Variants in CEP85 observed in about 807,000 individuals in gnomAD.
The protein encoded by CEP85 is centrosomal protein of 85 kDa.
CEP85 carries 58 observed loss-of-function variants against 93.7 expected under a neutral mutation model. The observed-to-expected ratio is 0.62, with a 90% CI of 0.50 to 0.77. The LOEUF is 0.77. CEP85 is among the 30% of genes least tolerant of loss of function. CEP85 has a pLI of 0.00. For missense variants in CEP85, 868 were observed against 922.0 expected, an observed-to-expected ratio of 0.94 and a Z score of 0.76; for synonymous variants, 314 against 338.6, an observed-to-expected ratio of 0.93 and a Z score of 0.80.
chr1:26,260,180 T>C (rs2089783923), intron 7 of CEP85, among the ~76,000 whole-genome samples: 1 of 152,188 alleles, frequency 6.6e-6, no homozygotes, highest in Admixed American at 6.5e-5. Context: ...TTCTCACCCT[T>C]CCTAAAAAGT....
intron 3 of CEP85, among the ~76,000 whole-genome samples, chr1:26,248,722 C>T (rs866383881): frequency 1.4e-4 from 8 of 56,206 alleles, no homozygotes; most frequent in East Asian, 4.9e-4. Context: ...GTCTTGAACT[C>T]TTTTTTTTTT....
Position 26,259,773 on chromosome 1 carries a change from T to G in CEP85, c.1312T>G (p.Ser438Ala). The G allele has an allele frequency of 1.2e-6, 2 of 1,612,602 alleles. No individual in the cohort carries two copies. The highest frequency in any genetic ancestry group is 1.7e-5 in the Admixed American group (1 of 59,540). ...ESLKVALQKH[S>A]EEVKKQEERV... Reference sequence around the variant, plus strand: ...GCTCAAAGTGGCGTTGCAGAAGCATTCTGAGGAAGTGAAGAAACAGGAAGA... The same window carrying G: ...GCTCAAAGTGGCGTTGCAGAAGCATGCTGAGGAAGTGAAGAAACAGGAAGA... The change falls in exon 7 of 14, where the codon TCT (serine) becomes GCT (alanine). Residue 438 changes from serine (S) to alanine (A), a missense_variant. Coordinates refer to ENST00000451429, the MANE Select transcript of CEP85 (RefSeq NM_001319944.2).
At chr1:26,242,242 A>G (rs1300130660) in intron 2 of CEP85, among the ~76,000 whole-genome samples, 1 of 152,220 alleles carries the variant, frequency 6.6e-6, no homozygotes, top group Non-Finnish European at 1.5e-5. Context: ...GTAGGAAGTC[A>G]GGAAGATGGT....
intron 3 of CEP85, among the ~76,000 whole-genome samples, chr1:26,252,990 G>A (rs982020198): frequency 6.6e-6 from 1 of 151,908 alleles, no homozygotes; most frequent in Admixed American, 6.6e-5. Context: ...AAGTAAGAAC[G>A]TGCAGTATTT....
At chr1:26,274,427 C>T (rs1020202104) in intron 11 of CEP85, among the ~76,000 whole-genome samples, 2 of 152,128 alleles carry the variant, frequency 1.3e-5, no homozygotes, top group Admixed American at 1.3e-4. Context: ...TTGAGTGGAG[C>T]GAAGGATCAT....
At chr1:26,273,408 T>C (rs189106609) in intron 11 of CEP85, among the ~76,000 whole-genome samples, 1 of 152,296 alleles carries the variant, frequency 6.6e-6, no homozygotes, top group African/African-American at 2.4e-5. Context: ...TTCACCTCTT[T>C]CAAGTCCTGT....
chr1:26,240,984 G>A (rs764222259), intron 2 of CEP85, among the ~76,000 whole-genome samples: 2 of 151,972 alleles, frequency 1.3e-5, no homozygotes, highest in Non-Finnish European at 2.9e-5. Context: ...GCACTGTGCA[G>A]GCATATTAAG....
At position 26,277,968 on chromosome 1, in the gene CEP85, G is replaced by A. The variant is rs1236869184; in HGVS notation, c.*675G>A. The A allele has an allele frequency of 6.5e-6, 1 of 152,696 alleles. No individual in the cohort carries two copies. The highest frequency in any genetic ancestry group is 2.4e-5 in the African/African-American group (1 of 41,408). The allele number at this position is 152,696 out of a possible 1,614,324, so 9.5% of individuals were successfully genotyped here. The stretch of plus-strand genomic sequence containing the variant: ...ACTCTCCAGCTGCCTTGTGTCCCTA[G>A]GGTCCTGGCCATGTGTTTAGTGTGC... On this transcript the variant is annotated 3_prime_UTR_variant, in exon 14 of 14. Coordinates refer to ENST00000451429, the MANE Select transcript of CEP85 (RefSeq NM_001319944.2).
intron 1 of CEP85, 101 bp downstream of exon 1, chr1:26,234,411 A>T (rs2124547796): frequency 6.6e-6 from 1 of 152,314 alleles, no homozygotes; most frequent in South Asian, 2.1e-4. Flanking sequence ...TGCCACCGTG[A>T]GGGGCCGGGG....
Position 26,261,487 on chromosome 1 carries a change from A to G in CEP85, c.1341+1685A>G, listed in dbSNP as rs1157627009. On this transcript the variant is annotated intron_variant, in intron 7 of 13. Transcript: ENST00000451429. ...AACTCCATCTCAAAAAAATAAAAGAAAGTTGGGTTAGTGAGTTTAAAAAAA... is the reference window on the plus strand; with the variant it reads ...AACTCCATCTCAAAAAAATAAAAGAGAGTTGGGTTAGTGAGTTTAAAAAAA... Among the ~76,000 whole-genome samples the G allele has an allele frequency of 3.3e-5, 5 of 152,226 alleles. No homozygotes were observed. In the East Asian group the frequency reaches 9.7e-4, roughly 29 times the overall value.
chr1:26,248,525 T>G (rs2089546523), intron 3 of CEP85, among the ~76,000 whole-genome samples: 1 of 151,658 alleles, frequency 6.6e-6, no homozygotes, highest in Non-Finnish European at 1.5e-5. Flanking sequence ...CGAGACAGAG[T>G]CGCTCTGTCG....
rs1557672408 is a variant in CEP85 at position 26,277,301 on chromosome 1, TG to T, written c.*13del. 6.2e-7 allele frequency: 1 copy of T among 1,606,318 alleles called. No individual in the cohort carries two copies. The highest frequency in any genetic ancestry group is 2.2e-5 in the East Asian group (1 of 44,612). On this transcript the variant is annotated 3_prime_UTR_variant, in exon 14 of 14. Transcript: ENST00000451429. The stretch of plus-strand genomic sequence containing the variant: ...AACTGTGTCACACAGTGAGGAATTC[TG>T]GGGGATTCCCCCAGGGAGGAGCTGG...
At chr1:26,260,525 C>G (rs181106049) in intron 7 of CEP85, among the ~76,000 whole-genome samples, 117 of 151,886 alleles carry the variant, frequency 7.7e-4, no homozygotes, top group Non-Finnish European at 1.5e-3. Flanking sequence ...ATTCCATGTG[C>G]ACAGCTAGTT....
At chr1:26,257,757 C>A (rs2089730951) in intron 5 of CEP85, 27 bp downstream of exon 5, 1 of 1,612,492 alleles carries the variant, frequency 6.2e-7, no homozygotes, top group South Asian at 1.1e-5. Flanking sequence ...TACCACAGAG[C>A]CAGACTACTC....
chr1:26,268,029 A>C (rs959206644), intron 7 of CEP85, among the ~76,000 whole-genome samples: 1 of 152,232 alleles, frequency 6.6e-6, no homozygotes, highest in Non-Finnish European at 1.5e-5. Context: ...CTGCCCTAGA[A>C]GACTTTCTCC....
chr1:26,242,291 G>A (rs1351825265), intron 2 of CEP85, among the ~76,000 whole-genome samples: 1 of 152,096 alleles, frequency 6.6e-6, no homozygotes, highest in Non-Finnish European at 1.5e-5. Flanking sequence ...AAAAGGCCTG[G>A]CAAATTTTAC....
intron 1 of CEP85, among the ~76,000 whole-genome samples, chr1:26,236,854 CAT>C (rs1419917024): frequency 6.6e-6 from 1 of 152,086 alleles, no homozygotes; most frequent in African/African-American, 2.4e-5. Context: ...GCTTCCAGGT[CAT>C]AGGTAGATTT....
At chr1:26,255,897 G>C in intron 4 of CEP85, 32 bp downstream of exon 4, 1 of 1,512,344 alleles carries the variant, frequency 6.6e-7, no homozygotes, top group Non-Finnish European at 8.9e-7. Flanking sequence ...GATTTTCTAG[G>C]TTCTGTACAG....
chr1:26,258,327 C>T (rs570346828), intron 6 of CEP85, 67 bp downstream of exon 6: 3 of 989,058 alleles, frequency 3.0e-6, no homozygotes, highest in African/African-American at 3.2e-5. Flanking sequence ...TGCTTGACAC[C>T]ATTAGGTATC....
Sources: allele counts gnomAD v4.1 joint callset (sites outside exome capture counted in the v4.1 genomes callset), GRCh38; gene constraint gnomAD v4.1.1; transcripts MANE v1.5; gene names NCBI Gene and HGNC (gene_info 2026-07-23, HGNC 2026-07-21).